AOPEP: variants seen among roughly 807,000 people sequenced by gnomAD.
AOPEP encodes the protein aminopeptidase O (putative).
Under a neutral mutation model 98.1 loss-of-function variants are expected in AOPEP, and 77 were observed. That is an observed-to-expected ratio of 0.78 (90% CI 0.65 to 0.95). The LOEUF (loss-of-function observed/expected upper bound fraction) is 0.95, where lower values mean the gene tolerates loss of function less well. Among genes scored for constraint, AOPEP ranks in the 40% least tolerant of loss-of-function variants. AOPEP has a pLI of 0.00. For synonymous variants in AOPEP, 346 were observed against 365.3 expected (o/e 0.95, Z 0.60); for missense variants, 1,024 against 1,024.7 (o/e 1.00, Z 0.01).
intron 5 of AOPEP, among the ~76,000 whole-genome samples, chr9:94,859,038 A>AAAAAAAAAG (rs77152132): frequency 1.3e-5 from 2 of 151,376 alleles, no homozygotes; most frequent in African/African-American, 4.9e-5. Context: ...AAAAAAAAAG[A>AAAAAAAAAG]AGACCTGGAA....
At position 94,972,563 on chromosome 9, in the gene AOPEP, G is replaced by A. The variant is rs1000279730; in HGVS notation, c.1916+4762G>A. On this transcript the variant is annotated intron_variant, in intron 10 of 16. Coordinates refer to ENST00000375315, the MANE Select transcript of AOPEP (RefSeq NM_001193329.3). This position sits in a 1 kb window ranked among gnomAD's most constrained non-coding sequence, Gnocchi z 4.2. ...TAATCTAATACTGTTCCTCCCCCACGGAGCTACACAGTACTTGTTTTATAA... is the reference window on the plus strand; with the variant it reads ...TAATCTAATACTGTTCCTCCCCCACAGAGCTACACAGTACTTGTTTTATAA... 2.6e-5 allele frequency among the ~76,000 whole-genome samples: 4 copies of A among 151,868 alleles called. No individual in the cohort carries two copies. Among genetic ancestry groups the A allele is most frequent in the Non-Finnish European group, 5.9e-5 (4 of 67,968 alleles).
chr9:94,887,234 G>A (rs2048346535), intron 5 of AOPEP, among the ~76,000 whole-genome samples: 1 of 152,054 alleles, frequency 6.6e-6, no homozygotes, highest in African/African-American at 2.4e-5. Context: ...TGTAGTCCCA[G>A]CTACTTGGGG....
intron 5 of AOPEP, among the ~76,000 whole-genome samples, chr9:94,911,549 A>G (rs1173115150): frequency 6.6e-6 from 1 of 152,258 alleles, no homozygotes; most frequent in East Asian, 1.9e-4. Context: ...AGACAGGGAT[A>G]TATGACAGGA....
At chr9:94,909,258 C>T (rs1185242878) in intron 5 of AOPEP, among the ~76,000 whole-genome samples, 1 of 147,442 alleles carries the variant, frequency 6.8e-6, no homozygotes, top group Admixed American at 7.0e-5. Context: ...AGGTTACGCG[C>T]ATTGAGCGTC....
intron 11 of AOPEP, among the ~76,000 whole-genome samples, chr9:95,002,826 C>T (rs1019056718): frequency 2.0e-5 from 3 of 152,156 alleles, no homozygotes; most frequent in African/African-American, 7.2e-5. Flanking sequence ...TACCTTTGGA[C>T]GTACCATTCT....
chr9:95,139,822 A>G, the AOPEP span, among the ~76,000 whole-genome samples: 9 of 146,652 alleles, frequency 6.1e-5, no homozygotes, highest in Admixed American at 3.4e-4. Context: ...GACAAAATGA[A>G]TATATATATA....
intron 5 of AOPEP, among the ~76,000 whole-genome samples, chr9:94,849,750 C>T (rs2043309843): frequency 6.6e-6 from 1 of 152,012 alleles, no homozygotes; most frequent in African/African-American, 2.4e-5. Context: ...GAATTTAATG[C>T]CAGGCGGAGC....
intron 16 of AOPEP, chr9:95,085,560 T>G (rs1587983471): frequency 2.1e-6 from 1 of 481,018 alleles, no homozygotes; most frequent in South Asian, 1.6e-5. Context: ...ACAGTTAAGT[T>G]GGAGCCGCTG....
chr9:94,943,755 C>T (rs1245122838), intron 7 of AOPEP, among the ~76,000 whole-genome samples: 3 of 150,358 alleles, frequency 2.0e-5, no homozygotes, highest in South Asian at 2.1e-4. Context: ...CCCATCTCTG[C>T]TAAACATACA....
chr9:95,063,591 G>A (rs938409150), intron 14 of AOPEP, among the ~76,000 whole-genome samples: 4 of 152,236 alleles, frequency 2.6e-5, no homozygotes, highest in Admixed American at 2.0e-4. Context: ...CCACGAATCC[G>A]AAAGGCCCAT....
At chr9:94,759,604 G>T (rs1474223204) in intron 1 of AOPEP, 45 bp from the exon 2 acceptor site, 3 of 587,134 alleles carry the variant, frequency 5.1e-6, no homozygotes, top group Non-Finnish European at 8.9e-6. Flanking sequence ...GAGCACTTAG[G>T]TCTTATTTGG....
chr9:95,150,021 A>C, the AOPEP span: 1 of 1,614,178 alleles, frequency 6.2e-7, no homozygotes, highest in Non-Finnish European at 8.5e-7. Flanking sequence ...CCAGGGGGTC[A>C]ACATCTGTCA....
intron 5 of AOPEP, among the ~76,000 whole-genome samples, chr9:94,841,126 A>G (rs150066841): frequency 1.1e-4 from 17 of 151,750 alleles, no homozygotes; most frequent in Middle Eastern, 3.5e-3. Flanking sequence ...GCACTGAATG[A>G]CATAAATCTC....
intron 7 of AOPEP, among the ~76,000 whole-genome samples, chr9:94,937,524 G>T (rs1348866398): frequency 6.6e-6 from 1 of 152,182 alleles, no homozygotes; most frequent in Non-Finnish European, 1.5e-5. Context: ...GGTACAGGGG[G>T]ATATGGTTCC....
the AOPEP span, among the ~76,000 whole-genome samples, chr9:95,108,424 G>A: frequency 6.6e-6 from 1 of 152,190 alleles, no homozygotes; most frequent in African/African-American, 2.4e-5. Flanking sequence ...AGGAGGCTAT[G>A]CCTTTATATC....
At position 94,850,643 on chromosome 9, in the gene AOPEP, C is replaced by T. The variant is rs190853486; in HGVS notation, c.1364+49641C>T. ...CCTTAATTACGATGCTGTACAGCCT[C>T]TTTCTGATATGAGGCAAACGCTATT... is the stretch of plus-strand genomic sequence containing the variant. On this transcript the variant is annotated intron_variant, in intron 5 of 16. Coordinates refer to ENST00000375315, the MANE Select transcript of AOPEP (RefSeq NM_001193329.3). 1.1e-3 allele frequency among the ~76,000 whole-genome samples: 171 copies of T among 152,310 alleles called. 4 individuals carry two copies. The highest frequency in any genetic ancestry group is 0.011 in the Admixed American group (168 of 15,296).
chr9:94,978,526 A>G (rs1177819978), intron 10 of AOPEP, among the ~76,000 whole-genome samples: 1 of 152,194 alleles, frequency 6.6e-6, no homozygotes, highest in Non-Finnish European at 1.5e-5. Flanking sequence ...GGCAGAGAAC[A>G]GGGCGTGTGA....
chr9:95,031,710 G>C (rs1337180138), intron 13 of AOPEP, among the ~76,000 whole-genome samples: 1 of 152,172 alleles, frequency 6.6e-6, no homozygotes, highest in South Asian at 2.1e-4. Flanking sequence ...CGATTCTCCG[G>C]GTAGGGGGGA....
intron 9 of AOPEP, among the ~76,000 whole-genome samples, chr9:94,958,550 T>C (rs929504258): frequency 5.9e-5 from 9 of 152,228 alleles, no homozygotes; most frequent in African/African-American, 2.2e-4. Flanking sequence ...TTGCCAACAC[T>C]TAATGCCCTC....
Sources: gnomAD v4.1 joint callset for allele counts (sites outside exome capture counted in the v4.1 genomes callset) on GRCh38, gnomAD v4.1.1 for gene constraint, Gnocchi (gnomAD v3.1) non-coding constraint, MANE v1.5 for transcripts, NCBI Gene and HGNC (gene_info 2026-07-23, HGNC 2026-07-21) for gene names.